Variants in PLEKHG1 observed in about 807,000 individuals in gnomAD.
PLEKHG1 encodes pleckstrin homology and RhoGEF domain containing G1.
In PLEKHG1, 44 loss-of-function variants were observed where a neutral mutation model predicts 100.8. The observed-to-expected ratio is 0.44, with a 90% CI of 0.34 to 0.56. PLEKHG1 has a LOEUF of 0.56. PLEKHG1 is among the 20% of genes least tolerant of loss of function. The probability of loss-of-function intolerance (pLI) is 0.01; values close to 1 mark genes in which losing one functional copy is unlikely to be tolerated. For missense variants in PLEKHG1, 1,545 were observed against 1,720.9 expected (o/e 0.90, Z 1.81); for synonymous variants, 640 against 662.5 (o/e 0.97, Z 0.52).
At chr6:150,799,947 GTTTCAACCA>G (rs1438654800) in intron 5 of PLEKHG1, among the ~76,000 whole-genome samples, 17 of 152,300 alleles carry the variant, frequency 1.1e-4, no homozygotes, top group African/African-American at 4.1e-4. Flanking sequence ...TACGAGCATT[GTTTCAACCA>G]TTGCCTTAAG....
intron 1 of PLEKHG1, among the ~76,000 whole-genome samples, chr6:150,615,547 G>A (rs192527062): frequency 8.3e-4 from 127 of 152,104 alleles, no homozygotes; most frequent in African/African-American, 2.8e-3. Flanking sequence ...TAAATCTCCC[G>A]AATATAAATC....
intron 6 of PLEKHG1, among the ~76,000 whole-genome samples, chr6:150,801,931 C>T (rs1386288019): frequency 2.0e-5 from 3 of 152,208 alleles, no homozygotes; most frequent in African/African-American, 7.2e-5. Flanking sequence ...TGCCCACATT[C>T]ACTGTGGCTC....
rs566350826 is a variant in PLEKHG1, at chr6:150,826,015, C to T, written c.1470+2339C>T. Among the ~76,000 whole-genome samples the T allele has an allele frequency of 1.8e-4, 28 of 152,116 alleles. 1 individual carries two copies. In the South Asian group the frequency reaches 5.8e-3, roughly 32 times the overall value. Reference sequence around the variant, plus strand: ...CCAACATGGTGAAACCCTGTCTCTACTAAAAATACAAAAAAATCAGCAGGG... The same window carrying T: ...CCAACATGGTGAAACCCTGTCTCTATTAAAAATACAAAAAAATCAGCAGGG... On this transcript the variant is annotated intron_variant, in intron 14 of 15. Transcript: ENST00000358517.
chr6:150,685,544 G>C (rs1400599500), intron 3 of PLEKHG1, among the ~76,000 whole-genome samples: 1 of 152,210 alleles, frequency 6.6e-6, no homozygotes, highest in Non-Finnish European at 1.5e-5. Context: ...TGAGATTGGG[G>C]TGTGGAGAGA....
exon 8 of PLEKHG1, chr6:150,809,281 C>T (rs769788527): frequency 6.2e-7 from 1 of 1,613,794 alleles, no homozygotes; most frequent in East Asian, 2.2e-5. Context: ...ACAAAGCTCA[C>T]ATCCTGGTAG....
At chr6:150,713,525 T>C (rs1351013236) in intron 3 of PLEKHG1, among the ~76,000 whole-genome samples, 1 of 152,152 alleles carries the variant, frequency 6.6e-6, no homozygotes. Context: ...GGTTAAGCTG[T>C]CAACCTTATG....
At chr6:150,653,785 ATCT>A (rs1182676388) in intron 3 of PLEKHG1, among the ~76,000 whole-genome samples, 1 of 152,138 alleles carries the variant, frequency 6.6e-6, no homozygotes, top group Admixed American at 6.5e-5. Context: ...TTTAGAAATG[ATCT>A]TCTCTGTAAA....
chr6:150,635,889 C>A (rs1777977859), intron 1 of PLEKHG1, among the ~76,000 whole-genome samples: 1 of 152,182 alleles, frequency 6.6e-6, no homozygotes, highest in Admixed American at 6.5e-5. Context: ...CACTGTACAA[C>A]ACTCATAATG....
intron 1 of PLEKHG1, chr6:150,625,011 C>CA (rs1232563073): frequency 3.3e-5 from 5 of 152,026 alleles, no homozygotes; most frequent in Admixed American, 3.3e-4. Context: ...GCCAACATGG[C>CA]AAAACCCCGT....
intron 10 of PLEKHG1, among the ~76,000 whole-genome samples, chr6:150,815,008 C>T (rs1386634728): frequency 1.3e-5 from 2 of 152,240 alleles, no homozygotes; most frequent in Non-Finnish European, 2.9e-5. Context: ...AGGCACAAGC[C>T]ACCACACCCA....
At chr6:150,654,858 A>G (rs1778903523) in intron 3 of PLEKHG1, among the ~76,000 whole-genome samples, 1 of 152,274 alleles carries the variant, frequency 6.6e-6, no homozygotes, top group Non-Finnish European at 1.5e-5. Context: ...GAATATAACC[A>G]TCCAGGGGGA....
At chr6:150,801,431 TCTTTTC>T in intron 6 of PLEKHG1, among the ~76,000 whole-genome samples, 1 of 131,128 alleles carries the variant, frequency 7.6e-6, no homozygotes. Flanking sequence ...TTTTTTCTTT[TCTTTTC>T]TTTTTTTTTT....
At chr6:150,723,001 C>T (rs1318189612) in intron 1 of PLEKHG1, among the ~76,000 whole-genome samples, 1 of 152,086 alleles carries the variant, frequency 6.6e-6, no homozygotes, top group Non-Finnish European at 1.5e-5. Flanking sequence ...CTCGGTGATA[C>T]ACAGTTTTTC....
At chr6:150,779,269 C>G (rs773511389) in intron 3 of PLEKHG1, among the ~76,000 whole-genome samples, 3 of 150,894 alleles carry the variant, frequency 2.0e-5, no homozygotes, top group Non-Finnish European at 4.4e-5. Context: ...GAAGTCCACT[C>G]GTGAGATGAA....
At chr6:150,804,177 T>TATATATATA (rs56138913) in intron 6 of PLEKHG1, among the ~76,000 whole-genome samples, 6 of 24,394 alleles carry the variant, frequency 2.5e-4, no homozygotes, top group East Asian at 1.3e-3. Context: ...ATATATATAT[T>TATATATATA]TTTTTTTTTT....
chr6:150,774,891 T>G (rs1784886496), intron 3 of PLEKHG1, among the ~76,000 whole-genome samples: 1 of 152,094 alleles, frequency 6.6e-6, no homozygotes, highest in African/African-American at 2.4e-5. Context: ...AAAAAAATTT[T>G]TTTTCAGACA....
chr6:150,804,000 C>A (rs1786861740), intron 6 of PLEKHG1, among the ~76,000 whole-genome samples: 1 of 142,718 alleles, frequency 7.0e-6, no homozygotes, highest in Admixed American at 6.9e-5. Context: ...ACTCAATGGG[C>A]TACATGTATG....
chr6:150,659,168 G>C (rs1388062382), intron 3 of PLEKHG1, among the ~76,000 whole-genome samples: 1 of 152,132 alleles, frequency 6.6e-6, no homozygotes, highest in Non-Finnish European at 1.5e-5. Flanking sequence ...CTCTGAACTC[G>C]TGAACCTCCT....
rs1344977536 is a variant in PLEKHG1 at position 150,831,649 on chromosome 6, C to G, written c.2538C>G (p.Ile846Met). 6.2e-7 allele frequency: 1 copy of G among 1,613,582 alleles called. No homozygotes were observed. The highest frequency in any genetic ancestry group is 1.1e-5 in the South Asian group (1 of 91,084). The change falls in exon 15 of 16, where the codon ATC becomes ATG. Residue 846 changes from isoleucine (I) to methionine (M), a missense_variant. Physicochemically the swap from Ile to Met is conservative, Grantham distance 10. Coordinates refer to ENST00000358517, the Ensembl canonical transcript of PLEKHG1. The surrounding 1 kb of genome is among the most constrained non-coding windows in gnomAD (Gnocchi z 4.1). ...TCTGGAATGACCTGGAAAATTACAT[C>G]AAGAAAAATGAAGACAAGGCCAGAG...
Sources: allele counts gnomAD v4.1 joint callset (sites outside exome capture counted in the v4.1 genomes callset), GRCh38; gene constraint gnomAD v4.1.1; non-coding constraint Gnocchi (gnomAD v3.1); transcripts MANE v1.5; gene names NCBI Gene and HGNC (gene_info 2026-07-23, HGNC 2026-07-21).